COL8A1: variants seen among roughly 807,000 people sequenced by gnomAD.
COL8A1 encodes the protein collagen type VIII alpha 1 chain.
COL8A1 carries 21 observed loss-of-function variants against 42.7 expected under a neutral mutation model. The ratio of observed to expected loss-of-function variants is 0.49; its 90% CI spans 0.35 to 0.71. The LOEUF (loss-of-function observed/expected upper bound fraction) is 0.71. Ranked by LOEUF, COL8A1 falls within the 30% of genes least tolerant of loss-of-function variation. The pLI is 0.01. For missense variants in COL8A1, 788 were observed against 962.4 expected (o/e 0.82, Z 2.40); for synonymous variants, 367 against 369.1 (o/e 0.99, Z 0.06).
At chr3:99,660,788 A>G (rs1040948166) in intron 1 of COL8A1, among the ~76,000 whole-genome samples, 1 of 152,196 alleles carries the variant, frequency 6.6e-6, no homozygotes, top group African/African-American at 2.4e-5. Flanking sequence ...TCTAAATTAT[A>G]GGTTTTTACT....
rs1324313427 is a variant in COL8A1 at position 99,744,939 on chromosome 3, A to AACC, written c.-84_-82dup. The stretch of plus-strand genomic sequence containing the variant: ...GAGCAGCATCTGCTGAAGAGACAGA[A>AACC]ACCAGCCCCAGAGGTGTCACAGGAA... On this transcript the variant is annotated 5_prime_UTR_variant, in exon 2 of 4. Coordinates refer to ENST00000652472, the MANE Select transcript of COL8A1 (RefSeq NM_020351.4). 1 of 152,220 alleles carries AACC rather than the reference A, an allele frequency of 6.6e-6. No homozygotes were observed. The allele number at this position is 152,220 out of a possible 1,614,324, so 9.4% of individuals were successfully genotyped here.
chr3:99,650,297 TCACCTATG>T (rs1937801295), intron 1 of COL8A1, among the ~76,000 whole-genome samples: 1 of 152,236 alleles, frequency 6.6e-6, no homozygotes, highest in Non-Finnish European at 1.5e-5. Context: ...CAGTAATATG[TCACCTATG>T]CACTGTATTG....
chr3:99,742,581 T>G (rs1025664152), intron 1 of COL8A1, among the ~76,000 whole-genome samples: 3 of 152,230 alleles, frequency 2.0e-5, no homozygotes, highest in African/African-American at 7.2e-5. Flanking sequence ...AGGACATTCT[T>G]CTGGATCATA....
chr3:99,649,649 A>G (rs1176633881), intron 1 of COL8A1, among the ~76,000 whole-genome samples: 1 of 152,172 alleles, frequency 6.6e-6, no homozygotes, highest in East Asian at 1.9e-4. Flanking sequence ...GACTTCATGA[A>G]ATGACCAACA....
chr3:99,794,933 C>A lies in COL8A1; in HGVS notation c.1032C>A (p.Pro344=), dbSNP rs1942074894. The change falls in exon 4 of 4, where the codon CCC becomes CCA. Residue 344 remains proline, a synonymous_variant. Transcript: ENST00000652472. This position sits in a 1 kb window ranked among gnomAD's most constrained non-coding sequence, Gnocchi z 4.3. Reference sequence around the variant, plus strand: ...AAGGACTGCCAGGGCTACCAGGACCCCCAGGCCTTCCAGGGATTGGGAAAC... The same window carrying A: ...AAGGACTGCCAGGGCTACCAGGACCACCAGGCCTTCCAGGGATTGGGAAAC... ...GEQGLPGLPG[P]PGLPGIGKPG... The A allele has an allele frequency of 1.3e-6, 2 of 1,594,550 alleles. No individual in the cohort carries two copies. The highest frequency in any genetic ancestry group is 1.1e-5 in the South Asian group (1 of 88,526).
At chr3:99,669,151 G>GTATATATATATATATATATATA (rs1559773186) in intron 1 of COL8A1, among the ~76,000 whole-genome samples, 1 of 114,048 alleles carries the variant, frequency 8.8e-6, no homozygotes, top group African/African-American at 3.4e-5. Context: ...ATATATAGAG[G>GTATATATATATATATATATATA]GAGAGAGAGA....
intron 1 of COL8A1, among the ~76,000 whole-genome samples, chr3:99,741,550 A>G (rs944654130): frequency 3.3e-5 from 5 of 152,082 alleles, no homozygotes; most frequent in African/African-American, 1.2e-4. Context: ...TGCTCTCATG[A>G]CTTACTCATC....
intron 1 of COL8A1, among the ~76,000 whole-genome samples, chr3:99,666,650 G>A (rs1938375939): frequency 6.6e-6 from 1 of 152,148 alleles, no homozygotes; most frequent in African/African-American, 2.4e-5. Context: ...ATCTAATTTT[G>A]TTTGTTTCCA....
chr3:99,715,391 C>A (rs748121414), intron 1 of COL8A1, among the ~76,000 whole-genome samples: 10 of 152,014 alleles, frequency 6.6e-5, no homozygotes, highest in Non-Finnish European at 1.2e-4. Context: ...ACAGACCGTT[C>A]AGATGTGAGA....
At chr3:99,783,493 G>T (rs1941834184) in intron 2 of COL8A1, among the ~76,000 whole-genome samples, 1 of 152,216 alleles carries the variant, frequency 6.6e-6, no homozygotes. Flanking sequence ...GGATGGTCTT[G>T]CCCACTGCCT....
At chr3:99,758,678 A>T (rs1941307245) in intron 2 of COL8A1, among the ~76,000 whole-genome samples, 1 of 152,206 alleles carries the variant, frequency 6.6e-6, no homozygotes, top group Non-Finnish European at 1.5e-5. Context: ...TGTAGAGAAG[A>T]CTGGGAACCA....
chr3:99,664,335 A>T (rs1272988968), intron 1 of COL8A1, among the ~76,000 whole-genome samples: 1 of 152,136 alleles, frequency 6.6e-6, no homozygotes. Context: ...TTCTCCAATC[A>T]CAGCTTTCAG....
chr3:99,726,756 G>A lies in COL8A1; in HGVS notation c.-128-18141G>A, dbSNP rs371340244. On this transcript the variant is annotated intron_variant, in intron 1 of 3. Transcript: ENST00000652472. ...GCGTTATTTCTGAGGGCTCTGTTCT[G>A]TTCCATTGATCTATATCTCTGTTTT... Among the ~76,000 whole-genome samples, 14 of 151,894 alleles carry A rather than the reference G, an allele frequency of 9.2e-5. No homozygotes were observed. In the East Asian group the frequency reaches 2.1e-3, roughly 23 times the overall value.
At chr3:99,717,524 T>G (rs1940031554) in intron 1 of COL8A1, among the ~76,000 whole-genome samples, 2 of 151,958 alleles carry the variant, frequency 1.3e-5, no homozygotes, top group Non-Finnish European at 2.9e-5. Context: ...AAATGCAAAA[T>G]AAATCATTAA....
chr3:99,706,476 G>GA (rs1939683110), intron 1 of COL8A1, among the ~76,000 whole-genome samples: 2 of 152,204 alleles, frequency 1.3e-5, no homozygotes, highest in South Asian at 2.1e-4. Context: ...ATTCTCCTAA[G>GA]AAAAAATAGA....
At position 99,796,314 on chromosome 3, in the gene COL8A1, C is replaced by A; in HGVS notation, c.*178C>A. The A allele has an allele frequency of 5.9e-6, 3 of 510,652 alleles. No individual in the cohort carries two copies. The highest frequency in any genetic ancestry group is 3.6e-5 in the Admixed American group (1 of 27,938). The allele number at this position is 510,652 out of a possible 1,614,324, so 31.6% of individuals were successfully genotyped here. On this transcript the variant is annotated 3_prime_UTR_variant, in exon 4 of 4. Coordinates refer to ENST00000652472, the MANE Select transcript of COL8A1 (RefSeq NM_020351.4). ...AAAACTAAGATGCATGTTTAATACT[C>A]CACACAGCAGCCTGTAATTGCGAAT...
intron 1 of COL8A1, among the ~76,000 whole-genome samples, chr3:99,669,235 A>G (rs1314444292): frequency 6.6e-6 from 1 of 151,470 alleles, no homozygotes; most frequent in African/African-American, 2.4e-5. Flanking sequence ...ACATAAATTT[A>G]CAGTAAAACA....
At chr3:99,678,744 A>G (rs1444229905) in intron 1 of COL8A1, 1 of 152,188 alleles carries the variant, frequency 6.6e-6, no homozygotes, top group Admixed American at 6.5e-5. Context: ...TAGTTACAAA[A>G]ATAGTTACTA....
intron 1 of COL8A1, among the ~76,000 whole-genome samples, chr3:99,721,182 G>C (rs2107369102): frequency 6.6e-6 from 1 of 152,126 alleles, no homozygotes; most frequent in African/African-American, 2.4e-5. Context: ...TGCCAGGCAG[G>C]CACTCCCAGT....
Sources: gnomAD v4.1 joint callset for allele counts (sites outside exome capture counted in the v4.1 genomes callset) on GRCh38, gnomAD v4.1.1 for gene constraint, Gnocchi (gnomAD v3.1) non-coding constraint, MANE v1.5 for transcripts, NCBI Gene and HGNC (gene_info 2026-07-23, HGNC 2026-07-21) for gene names.